BTNL3: variants seen among roughly 807,000 people sequenced by gnomAD.
The protein encoded by BTNL3 is butyrophilin-like protein 3.
BTNL3 carries 20 observed loss-of-function variants against 40.1 expected under a neutral mutation model. The ratio of observed to expected loss-of-function variants is 0.50; its 90% CI spans 0.35 to 0.72. The LOEUF is 0.72. BTNL3 is among the 30% of genes least tolerant of loss of function. BTNL3 has a pLI of 0.01. For missense variants in BTNL3, 449 were observed against 582.2 expected, an observed-to-expected ratio of 0.77 and a Z score of 2.35; for synonymous variants, 179 against 222.1, an observed-to-expected ratio of 0.81 and a Z score of 1.73.
chr5:180,997,424 C>T lies in BTNL3; in HGVS notation c.609C>T (p.Ser203=), dbSNP rs1760049697. Reference sequence around the variant, plus strand: ...TTATAGTCCAGGAAAATGCTGGGAGCATATTGTGTTCCATCCACCTTGCTG... The same window carrying T: ...TTATAGTCCAGGAAAATGCTGGGAGTATATTGTGTTCCATCCACCTTGCTG... ...ISIIVQENAG[S]ILCSIHLAEQ... Residue 203 remains serine, a synonymous_variant, in exon 3 of 8, where the codon AGC becomes AGT. Coordinates refer to ENST00000342868, the MANE Select transcript of BTNL3 (RefSeq NM_197975.3). 6.8e-7 allele frequency: 1 copy of T among 1,462,922 alleles called. No homozygotes were observed. Among genetic ancestry groups the T allele is most frequent in the Non-Finnish European group, 9.4e-7 (1 of 1,058,694 alleles). 90.6% of individuals were successfully genotyped at this position (1,462,922 alleles called of 1,614,324 possible).
chr5:180,999,106 G>A (rs1582088404), intron 3 of BTNL3, among the ~76,000 whole-genome samples: 1 of 136,428 alleles, frequency 7.3e-6, no homozygotes, highest in South Asian at 2.2e-4. Flanking sequence ...CAGCCTGGGC[G>A]ATAGAGCAAG....
Position 181,002,664 on chromosome 5 carries a change from T to G in BTNL3, c.674-8T>G. The G allele has an allele frequency of 3.4e-6, 5 of 1,452,944 alleles. 1 individual carries two copies. Among genetic ancestry groups the G allele is most frequent in the Non-Finnish European group, 4.7e-6 (5 of 1,053,540 alleles). The allele number at this position is 1,452,944 out of a possible 1,614,324, so 90.0% of individuals were successfully genotyped here. The stretch of plus-strand genomic sequence containing the variant: ...CTATCACTAAGGGTCTGTGGGACTG[T>G]TTTTCAGAGACGTTTTTCCAGCCCT... On this transcript the variant is annotated splice_polypyrimidine_tract_variant and splice_region_variant and intron_variant, in intron 3 of 7. Coordinates refer to ENST00000342868, the MANE Select transcript of BTNL3 (RefSeq NM_197975.3).
chr5:181,000,800 G>A (rs908893308), intron 3 of BTNL3, among the ~76,000 whole-genome samples: 5 of 132,718 alleles, frequency 3.8e-5, no homozygotes, highest in South Asian at 2.2e-4. Flanking sequence ...GCGACAGAGC[G>A]AGACTCCGTC....
chr5:180,992,135 T>G lies in BTNL3; in HGVS notation c.50-678T>G, dbSNP rs548703691. 8.0e-5 allele frequency among the ~76,000 whole-genome samples: 11 copies of G among 136,732 alleles called. 2 individuals carry two copies. In the East Asian group the frequency reaches 2.4e-3, roughly 29 times the overall value. 89.7% of individuals were successfully genotyped at this position (136,732 alleles called of 152,430 possible). On this transcript the variant is annotated intron_variant, in intron 1 of 7. Transcript: ENST00000342868. ...AAATGTAGGTGTCATGGAAAAGATATGTCACAACATCAGTGCACTAAAGGG... is the reference window on the plus strand; with the variant it reads ...AAATGTAGGTGTCATGGAAAAGATAGGTCACAACATCAGTGCACTAAAGGG...
At position 180,992,959 on chromosome 5, in the gene BTNL3, C is replaced by A. The variant is rs1457247132; in HGVS notation, c.196C>A (p.Leu66Ile). 6.8e-7 allele frequency: 1 copy of A among 1,462,730 alleles called. No homozygotes were observed. The allele number at this position is 1,462,730 out of a possible 1,614,324, so 90.6% of individuals were successfully genotyped here. ...GAATCAGTTCCATGCTGTGGTCCAC[C>A]TCTACAGAGATGGGGAAGACTGGGA... The part of the protein sequence containing the change: ...FRNQFHAVVH[L>I]YRDGEDWESK... The change falls in exon 2 of 8, where the codon CTC (leucine) becomes ATC (isoleucine). Residue 66 changes from leucine to isoleucine, a missense_variant. By Grantham distance (5) the Leu-to-Ile change is conservative (BLOSUM62 2). Around this residue, in one of 2 missense-constraint regions of BTNL3, gnomAD observed 323 missense variants for 464.9 expected, o/e 0.69. Transcript: ENST00000342868.
At chr5:181,000,348 T>C (rs1760089340) in intron 3 of BTNL3, among the ~76,000 whole-genome samples, 1 of 137,002 alleles carries the variant, frequency 7.3e-6, no homozygotes, top group Non-Finnish European at 1.7e-5. Context: ...CTTGCAAATC[T>C]AGAAATAGAA....
Position 181,005,804 on chromosome 5 carries a change from A to G in BTNL3, c.1333A>G (p.Ile445Val), listed in dbSNP as rs1369265548. The change falls in exon 8 of 8, where the codon ATC becomes GTC. Residue 445 changes from isoleucine (I) to valine (V), a missense_variant. Ile to Val is a conservative substitution (Grantham distance 29). Transcript: ENST00000342868. ...GTTTGAAGGCTTGTTGAGACCCTAT[A>G]TCCAGCATGCGATGTATGACGAGGA... ...CQFEGLLRPY[I>V]QHAMYDEEKG... 1 of 1,614,004 alleles carries G rather than the reference A, an allele frequency of 6.2e-7. No homozygotes were observed. The highest frequency in any genetic ancestry group is 8.5e-7 in the Non-Finnish European group (1 of 1,179,980).
chr5:180,990,322 A>G (rs965641034), intron 1 of BTNL3, among the ~76,000 whole-genome samples: 1 of 137,842 alleles, frequency 7.3e-6, no homozygotes, highest in African/African-American at 2.5e-5. Flanking sequence ...AAGTAACACT[A>G]TTTTTAAAAC....
Position 181,002,310 on chromosome 5 carries a change from G to A in BTNL3, c.674-362G>A, listed in dbSNP as rs374513786. 2.1e-4 allele frequency among the ~76,000 whole-genome samples: 25 copies of A among 121,036 alleles called. 2 individuals are homozygous for A. In the East Asian group the frequency reaches 3.5e-3, roughly 17 times the overall value. 79.4% of individuals were successfully genotyped at this position (121,036 alleles called of 152,430 possible). On this transcript the variant is annotated intron_variant, in intron 3 of 7. Coordinates refer to ENST00000342868, the MANE Select transcript of BTNL3 (RefSeq NM_197975.3). ...CAGCACAGTCAACACCTGCTTAGAA[G>A]AAGATGACATTGAACTTCTGCCTCA...
rs77736980 is a variant in BTNL3 at position 181,006,125 on chromosome 5, G to A, written c.*253G>A. Reference sequence around the variant, plus strand: ...GCCATGGCTGCCCTGAAGTGGGGACGGAATAGACTCACATTAGGTTTAGTT... The same window carrying A: ...GCCATGGCTGCCCTGAAGTGGGGACAGAATAGACTCACATTAGGTTTAGTT... On this transcript the variant is annotated 3_prime_UTR_variant, in exon 8 of 8. Transcript: ENST00000342868. The A allele has an allele frequency of 0.074, 35,451 of 477,776 alleles. 1,580 individuals are homozygous for A. The highest frequency in any genetic ancestry group is 0.13 in the South Asian group (2,404 of 18,148). 29.6% of individuals were successfully genotyped at this position (477,776 alleles called of 1,614,324 possible).
intron 2 of BTNL3, among the ~76,000 whole-genome samples, chr5:180,995,453 T>C (rs1436756466): frequency 1.5e-5 from 2 of 137,022 alleles, no homozygotes; most frequent in Admixed American, 1.5e-4. Flanking sequence ...ACTCAGGTCC[T>C]AGTCTATTTT....
At position 181,000,581 on chromosome 5, in the gene BTNL3, T is replaced by C. The variant is rs1287929961; in HGVS notation, c.674-2091T>C. On this transcript the variant is annotated intron_variant, in intron 3 of 7. Coordinates refer to ENST00000342868, the MANE Select transcript of BTNL3 (RefSeq NM_197975.3). ...CAGCACTTTGGGAGGCCGAGGCAGG[T>C]GGATCATGAGGTCAGGAGATCGAGA... Among the ~76,000 whole-genome samples, 4 of 129,798 alleles carry C rather than the reference T, an allele frequency of 3.1e-5. 2 individuals are homozygous for C. The East Asian group carries it at 9.0e-4, about 29-fold the overall frequency. 85.2% of individuals were successfully genotyped at this position (129,798 alleles called of 152,430 possible).
At position 180,993,579 on chromosome 5, in the gene BTNL3, C is replaced by T. The variant is rs533656542; in HGVS notation, c.397+419C>T. ...ACATTTTGTAGTGTTTTCTTAGGTGCTGCTTTAGGTGTTATGATATTCATA... is the reference window on the plus strand; with the variant it reads ...ACATTTTGTAGTGTTTTCTTAGGTGTTGCTTTAGGTGTTATGATATTCATA... On this transcript the variant is annotated intron_variant, in intron 2 of 7. Transcript: ENST00000342868. Among the ~76,000 whole-genome samples, 4 of 135,970 alleles carry T rather than the reference C, an allele frequency of 2.9e-5. 1 individual carries two copies. The highest frequency in any genetic ancestry group is 2.3e-4 in the Admixed American group (3 of 12,850). The allele number at this position is 135,970 out of a possible 152,430, so 89.2% of individuals were successfully genotyped here.
In BTNL3 at chr5:181,002,471, A is replaced by AATATATATATATATATATATAT. The variant is rs56895500; in HGVS notation, c.674-188_674-167dup. 1.2e-3 allele frequency among the ~76,000 whole-genome samples: 89 copies of AATATATATATATATATATATAT among 73,850 alleles called. 1 individual carries two copies. Among genetic ancestry groups the AATATATATATATATATATATAT allele is most frequent in the African/African-American group, 1.7e-3 (40 of 23,972 alleles). 48.4% of individuals were successfully genotyped at this position (73,850 alleles called of 152,430 possible). A position where few individuals can be genotyped will look rare whatever the true frequency, so the allele number is the denominator to read the frequency against. On this transcript the variant is annotated intron_variant, in intron 3 of 7. Coordinates refer to ENST00000342868, the MANE Select transcript of BTNL3 (RefSeq NM_197975.3). Reference sequence around the variant, plus strand: ...TAACGCGCACACACACACACACGTGAATATATATATATATATATATATATA... The same window carrying AATATATATATATATATATATAT: ...TAACGCGCACACACACACACACGTGAATATATATATATATATATATATATATATATATATATATATATATATA...
rs1760172103 is a variant in BTNL3 at position 181,004,122 on chromosome 5, C to T, written c.808+246C>T. 4 of 1,346,352 alleles carry T rather than the reference C, an allele frequency of 3.0e-6. No individual in the cohort carries two copies. The South Asian group carries it at 5.6e-5, about 19-fold the overall frequency. The allele number at this position is 1,346,352 out of a possible 1,614,324, so 83.4% of individuals were successfully genotyped here. On this transcript the variant is annotated intron_variant, in intron 5 of 7. Coordinates refer to ENST00000342868, the MANE Select transcript of BTNL3 (RefSeq NM_197975.3). Reference sequence around the variant, plus strand: ...TCTGTGCCTGTTGCCCGTTGGTTTGCTGTGTGTGTGGTGGGGGGAGGTGTT... The same window carrying T: ...TCTGTGCCTGTTGCCCGTTGGTTTGTTGTGTGTGTGGTGGGGGGAGGTGTT...
In BTNL3 at chr5:180,999,178, A is replaced by G. The variant is rs374685391; in HGVS notation, c.673+1690A>G. ...ATGCTTAAATGTTCTTATTAGCATG[A>G]AATAGCTGAATATTGATATTAGGCA... On this transcript the variant is annotated intron_variant, in intron 3 of 7. Coordinates refer to ENST00000342868, the MANE Select transcript of BTNL3 (RefSeq NM_197975.3). Among the ~76,000 whole-genome samples, 4 of 136,756 alleles carry G rather than the reference A, an allele frequency of 2.9e-5. No individual in the cohort carries two copies. The East Asian group carries it at 6.4e-4, about 22-fold the overall frequency. 89.7% of individuals were successfully genotyped at this position (136,756 alleles called of 152,430 possible).
In BTNL3 at chr5:181,005,896, G is replaced by C. The variant is rs758087254; in HGVS notation, c.*24G>C. ...GAGACAGAGAAGACCCTGCTTAAAG[G>C]GCCCCACACCACAGACCCAGACACA... is the stretch of plus-strand genomic sequence containing the variant. On this transcript the variant is annotated 3_prime_UTR_variant, in exon 8 of 8. Coordinates refer to ENST00000342868, the MANE Select transcript of BTNL3 (RefSeq NM_197975.3). 31 of 1,562,426 alleles carry C rather than the reference G, an allele frequency of 2.0e-5. No individual in the cohort carries two copies. The East Asian group carries it at 6.7e-4, about 34-fold the overall frequency.
intron 4 of BTNL3, among the ~76,000 whole-genome samples, chr5:181,002,992 C>T (rs958814313): frequency 1.5e-5 from 2 of 135,728 alleles, no homozygotes; most frequent in African/African-American, 5.1e-5. Flanking sequence ...TCTGCCAATC[C>T]CTTTCTACTT....
intron 3 of BTNL3, among the ~76,000 whole-genome samples, chr5:181,000,523 T>C (rs1006455712): frequency 2.9e-5 from 4 of 136,870 alleles, no homozygotes; most frequent in African/African-American, 7.5e-5. Context: ...AATCATAACA[T>C]AGGCCGGGCG....
Sources: gnomAD v4.1 joint callset for allele counts (sites outside exome capture counted in the v4.1 genomes callset) on GRCh38, gnomAD v4.1.1 for gene constraint, gnomAD v4.1.1 regional missense constraint, MANE v1.5 for transcripts, NCBI Gene and HGNC (gene_info 2026-07-23, HGNC 2026-07-21) for gene names.